The following SOX6 variants were observed in gnomAD, a reference collection of about 807,000 sequenced individuals.
SOX6 encodes the protein transcription factor SOX-6.
In SOX6, 11 loss-of-function variants were observed where a neutral mutation model predicts 97.8. The observed-to-expected ratio is 0.11, with a 90% CI of 0.07 to 0.19. The LOEUF (loss-of-function observed/expected upper bound fraction) is 0.19, where lower values mean the gene tolerates loss of function less well. SOX6 is among the 10% of genes least tolerant of loss of function. SOX6 has a pLI of 1.00. For synonymous variants in SOX6, 360 were observed against 371.4 expected (o/e 0.97, Z 0.35); for missense variants, 810 against 1,039.5 (o/e 0.78, Z 3.04).
chr11:16,191,167 T>C (rs543693019), intron 4 of SOX6, among the ~76,000 whole-genome samples: 1 of 152,230 alleles, frequency 6.6e-6, no homozygotes, highest in East Asian at 1.9e-4. Flanking sequence ...TAGAAAATAG[T>C]ATATTGGCCA....
At chr11:16,410,686 G>A (rs1858787481) in intron 1 of SOX6, among the ~76,000 whole-genome samples, 1 of 148,854 alleles carries the variant, frequency 6.7e-6, no homozygotes, top group South Asian at 2.1e-4. Flanking sequence ...TTGGGCCTGG[G>A]AGGTCGAGAC....
chr11:16,463,538 AAAC>A (rs1233254620), intron 1 of SOX6, among the ~76,000 whole-genome samples: 1 of 152,246 alleles, frequency 6.6e-6, no homozygotes, highest in African/African-American at 2.4e-5. Flanking sequence ...AAAGGATTAA[AAAC>A]AACATGTAAG....
chr11:16,359,310 C>A (rs1028262061), upstream of SOX6, among the ~76,000 whole-genome samples: 1 of 151,702 alleles, frequency 6.6e-6, no homozygotes, highest in East Asian at 1.9e-4. Context: ...CTATGGAGTG[C>A]ATGGTGGGAA....
At chr11:16,657,411 T>A (rs1847731339) in intron 3 of SOX6, among the ~76,000 whole-genome samples, 1 of 152,248 alleles carries the variant, frequency 6.6e-6, no homozygotes, top group Admixed American at 6.5e-5. Flanking sequence ...GTTATTCATG[T>A]GCATGTGTTT....
At chr11:16,639,319 C>T (rs1180180021) in intron 3 of SOX6, among the ~76,000 whole-genome samples, 1 of 152,130 alleles carries the variant, frequency 6.6e-6, no homozygotes, top group Non-Finnish European at 1.5e-5. Context: ...TTACTGTAGC[C>T]TTGTAGTATA....
At chr11:16,731,356 T>C (rs534060508) in intron 2 of SOX6, among the ~76,000 whole-genome samples, 4 of 152,278 alleles carry the variant, frequency 2.6e-5, no homozygotes, top group Admixed American at 6.5e-5. Context: ...AATAAAATAC[T>C]AGCAAACCAA....
chr11:16,321,355 C>T (rs1169565928), intron 2 of SOX6, among the ~76,000 whole-genome samples: 1 of 151,246 alleles, frequency 6.6e-6, no homozygotes, highest in Non-Finnish European at 1.5e-5. Flanking sequence ...AAATGACTCA[C>T]AATTGACTAT....
At chr11:16,634,330 A>C (rs1848753275) in intron 3 of SOX6, among the ~76,000 whole-genome samples, 1 of 151,944 alleles carries the variant, frequency 6.6e-6, no homozygotes, top group African/African-American at 2.4e-5. Flanking sequence ...GAGAAGAAAA[A>C]AATGGAAGAA....
At chr11:16,272,899 A>T (rs1854298694) in intron 3 of SOX6, among the ~76,000 whole-genome samples, 1 of 151,934 alleles carries the variant, frequency 6.6e-6, no homozygotes, top group African/African-American at 2.4e-5. Flanking sequence ...ACCCTGAAGA[A>T]GATGCTGGCC....
upstream of SOX6, among the ~76,000 whole-genome samples, chr11:16,477,681 T>C (rs545407905): frequency 6.6e-6 from 1 of 152,168 alleles, no homozygotes; most frequent in Admixed American, 6.5e-5. Flanking sequence ...CTAAAAAATC[T>C]CTAAAAAAAG....
At chr11:16,343,472 T>G (rs901337904) in intron 1 of SOX6, among the ~76,000 whole-genome samples, 1 of 151,902 alleles carries the variant, frequency 6.6e-6, no homozygotes, top group African/African-American at 2.4e-5. Context: ...AACAGTCTCT[T>G]AAGAATAATT....
intron 1 of SOX6, among the ~76,000 whole-genome samples, chr11:16,421,638 C>A (rs563431170): frequency 2.0e-5 from 3 of 152,108 alleles, no homozygotes; most frequent in Non-Finnish European, 2.9e-5. Context: ...CAAAAGAAAA[C>A]AAGCTGCACT....
At chr11:16,553,111 T>C in intron 4 of SOX6, among the ~76,000 whole-genome samples, 1 of 152,330 alleles carries the variant, frequency 6.6e-6, no homozygotes, top group Middle Eastern at 3.4e-3. Context: ...AACATTTTCT[T>C]TTTTTATAAC....
intron 4 of SOX6, among the ~76,000 whole-genome samples, chr11:16,565,608 T>A (rs1847861081): frequency 4.8e-5 from 1 of 20,944 alleles, no homozygotes; most frequent in Non-Finnish European, 1.1e-4. Flanking sequence ...ACAAAAATAA[T>A]TTTAAAGCAT....
chr11:16,063,748 G>A (rs774395424), intron 9 of SOX6, among the ~76,000 whole-genome samples: 3 of 149,658 alleles, frequency 2.0e-5, no homozygotes, highest in Non-Finnish European at 4.5e-5. Flanking sequence ...ACTCAGTGAG[G>A]CACTGGGCTG....
chr11:16,418,860 T>C (rs896172467), intron 1 of SOX6, among the ~76,000 whole-genome samples: 3 of 152,176 alleles, frequency 2.0e-5, no homozygotes, highest in African/African-American at 7.2e-5. Context: ...GAAATATTTG[T>C]GTTGCCATGC....
At chr11:16,127,218 TAACAAC>T (rs113148844) in intron 6 of SOX6, among the ~76,000 whole-genome samples, 1 of 151,916 alleles carries the variant, frequency 6.6e-6, no homozygotes, top group African/African-American at 2.4e-5. Context: ...GAGAGATTTT[TAACAAC>T]AACAACGAAG....
chr11:16,657,610 A>C (rs533874620), intron 3 of SOX6, among the ~76,000 whole-genome samples: 1 of 152,292 alleles, frequency 6.6e-6, no homozygotes, highest in South Asian at 2.1e-4. Context: ...AGCATCTGGC[A>C]TTGTCAAGGT....
At chr11:16,431,285 C>T (rs1483168026) in intron 1 of SOX6, among the ~76,000 whole-genome samples, 2 of 152,084 alleles carry the variant, frequency 1.3e-5, no homozygotes, top group Admixed American at 6.6e-5. Context: ...ATCTCTCCTA[C>T]CACTACCACT....
Sources: gnomAD v4.1 joint callset for allele counts (sites outside exome capture counted in the v4.1 genomes callset) on GRCh38, gnomAD v4.1.1 for gene constraint, MANE v1.5 for transcripts, NCBI Gene and HGNC (gene_info 2026-07-23, HGNC 2026-07-21) for gene names.